TEP1: variants seen among roughly 807,000 people sequenced by gnomAD.
TEP1 encodes telomerase associated protein 1.
A neutral mutation model predicts 306.3 loss-of-function variants in TEP1; 241 were observed. The ratio of observed to expected loss-of-function variants is 0.79; its 90% CI spans 0.71 to 0.88. The LOEUF (loss-of-function observed/expected upper bound fraction) is 0.88. Ranked by LOEUF, TEP1 falls within the 40% of genes least tolerant of loss-of-function variation. TEP1 has a pLI of 0.00. For synonymous variants in TEP1, 1,289 were observed against 1,305.5 expected (o/e 0.99, Z 0.27); for missense variants, 3,051 against 3,276.1 (o/e 0.93, Z 1.68).
chr14:20,381,352 A>C lies in TEP1; in HGVS notation c.4608T>G (p.Ser1536Arg). The change falls in exon 32 of 55, where the codon AGT (serine) becomes AGG (arginine). Residue 1536 changes from serine to arginine, a missense_variant. By Grantham distance (110) the Ser-to-Arg change is moderately radical (BLOSUM62 -1). This residue lies in a region of TEP1 where 1,540 missense variants were observed against 1,705.9 expected (regional missense o/e 0.90). Coordinates refer to ENST00000262715, the MANE Select transcript of TEP1 (RefSeq NM_007110.5). This position sits in a 1 kb window ranked among gnomAD's most constrained non-coding sequence, Gnocchi z 4.0. ...GGTCTCCCAGAGCCTCAGGAGGGCAACTTCGGAAGGTGCCTGAGGCATCAG... is the reference window on the plus strand; with the variant it reads ...GGTCTCCCAGAGCCTCAGGAGGGCACCTTCGGAAGGTGCCTGAGGCATCAG... ...CDADASGTFR[S>R]CPPEALGDLP... The C allele has an allele frequency of 6.2e-7, 1 of 1,614,200 alleles. No individual in the cohort carries two copies. Among genetic ancestry groups the C allele is most frequent in the South Asian group, 1.1e-5 (1 of 91,090 alleles).
Position 20,395,459 on chromosome 14 carries a change from T to C in TEP1, c.1919A>G (p.His640Arg). ...EQLKREKLRV[H>R]KARQWKYDGE... is the part of the protein sequence containing the mutation. ...GACAGTGCATACATACCTGGCCTTG[T>C]GTACTCTCAGCTTCTCCCTCTTGAG... Residue 640 changes from histidine (H) to arginine (R), a missense_variant, in exon 12 of 55, where the codon CAC becomes CGC. Physicochemically the swap from His to Arg is conservative, Grantham distance 29. Transcript: ENST00000262715. 2 of 1,594,152 alleles carry C rather than the reference T, an allele frequency of 1.3e-6. No homozygotes were observed. Among genetic ancestry groups the C allele is most frequent in the Non-Finnish European group, 8.6e-7 (1 of 1,164,540 alleles).
At position 20,403,850 on chromosome 14, in the gene TEP1, G is replaced by A. The variant is rs550913661; in HGVS notation, c.1067C>T (p.Pro356Leu). 1.5e-5 allele frequency: 25 copies of A among 1,614,070 alleles called. No homozygotes were observed. The South Asian group carries it at 2.1e-4, about 13-fold the overall frequency. Residue 356 changes from proline to leucine, a missense_variant, in exon 6 of 55, where the codon CCC becomes CTC. Pro to Leu is a moderately conservative substitution (Grantham distance 98). Around this residue, in one of 3 missense-constraint regions of TEP1, gnomAD observed 1,507 missense variants for 1,550.5 expected, o/e 0.97. Transcript: ENST00000262715. ...LAEGDKNKLV[P>L]LPACLRTAMT... is the part of the protein sequence containing the mutation. ...GGCAGTACGGAGACAGGCGGGCAGGGGCACCAGCTTATTCTTATCTCCCTC... is the reference window on the plus strand; with the variant it reads ...GGCAGTACGGAGACAGGCGGGCAGGAGCACCAGCTTATTCTTATCTCCCTC...
Position 20,378,703 on chromosome 14 carries a change from G to C in TEP1, c.5352+51C>G, listed in dbSNP as rs748944853. ...CGCACTGAGAGAACAAATTCACGAG[G>C]GTGAGTCATGGCTCAGGGCCACTCT... On this transcript the variant is annotated intron_variant, in intron 37 of 54. Transcript: ENST00000262715. 3.8e-6 allele frequency: 6 copies of C among 1,595,940 alleles called. No homozygotes were observed. In the African/African-American group the frequency reaches 8.0e-5, roughly 21 times the overall value.
intron 21 of TEP1, 64 bp downstream of exon 21, chr14:20,384,921 A>G (rs1876991706): frequency 1.2e-6 from 2 of 1,609,668 alleles, no homozygotes; most frequent in Non-Finnish European, 8.5e-7. Context: ...AATACTGAGG[A>G]GAGAAGACTG....
At chr14:20,403,252 C>T in intron 7 of TEP1, 125 bp downstream of exon 7, 2 of 1,212,288 alleles carry the variant, frequency 1.6e-6, no homozygotes, top group Non-Finnish European at 2.3e-6. Flanking sequence ...CAGAACCTTA[C>T]CCACAATCAC....
At chr14:20,388,138 G>A in intron 17 of TEP1, 75 bp from the exon 18 acceptor site, 1 of 1,542,550 alleles carries the variant, frequency 6.5e-7, no homozygotes, top group South Asian at 1.2e-5. Context: ...AAAAGGGCAG[G>A]GGGAAAAAGA....
At chr14:20,391,195 G>A in intron 13 of TEP1, 99 bp from the exon 14 acceptor site, 3 of 1,276,546 alleles carry the variant, frequency 2.4e-6, no homozygotes, top group East Asian at 2.5e-5. Flanking sequence ...TGGTTAGAGG[G>A]AATAAGAAAA....
chr14:20,396,579 T>G (rs1367482042), intron 10 of TEP1, 42 bp downstream of exon 10: 33 of 1,545,804 alleles, frequency 2.1e-5, no homozygotes, highest in Non-Finnish European at 2.9e-5. Flanking sequence ...CACGTGCACA[T>G]CTAGTTGCTG....
At chr14:20,408,955 T>C (rs1760894) in intron 1 of TEP1, among the ~76,000 whole-genome samples, 41,728 of 151,692 alleles carry the variant, frequency 0.28, 5,960 homozygotes, top group African/African-American at 0.36. Context: ...CCCTACTTAG[T>C]AGAGAGGCCT....
At position 20,408,406 on chromosome 14, in the gene TEP1, G is replaced by C. The variant is rs974102367; in HGVS notation, c.34C>G (p.Pro12Ala). 6 of 1,613,866 alleles carry C rather than the reference G, an allele frequency of 3.7e-6. No homozygotes were observed. The highest frequency in any genetic ancestry group is 1.3e-5 in the African/African-American group (1 of 74,942). Residue 12 changes from proline (P) to alanine (A), a missense_variant, in exon 2 of 55, where the codon CCA (proline) becomes GCA (alanine). Physicochemically the swap from Pro to Ala is conservative, Grantham distance 27. This residue lies in a region of TEP1 where 1,507 missense variants were observed against 1,550.5 expected (regional missense o/e 0.97). Coordinates refer to ENST00000262715, the MANE Select transcript of TEP1 (RefSeq NM_007110.5). The stretch of plus-strand genomic sequence containing the variant: ...CGGTTCTCCAAGGAGAGGATGTCTG[G>C]ATGGGCAGACACATGCCCATGGAGT... ...EKLHGHVSAH[P>A]DILSLENRCL...
intron 1 of TEP1, among the ~76,000 whole-genome samples, chr14:20,412,738 A>G (rs1361355340): frequency 7.3e-6 from 1 of 137,880 alleles, no homozygotes; most frequent in African/African-American, 2.8e-5. Context: ...AGCTCACTGC[A>G]ATCTCTGCCT....
chr14:20,369,638 T>C (rs1240245387), intron 52 of TEP1, 36 bp downstream of exon 52: 18 of 1,612,998 alleles, frequency 1.1e-5, no homozygotes, highest in African/African-American at 2.7e-5. Context: ...CCCTGGGCCA[T>C]CTCCCGGCTC....
Position 20,382,653 on chromosome 14 carries a change from A to G in TEP1, c.4110T>C (p.Asp1370=). 2 of 1,614,100 alleles carry G rather than the reference A, an allele frequency of 1.2e-6. No individual in the cohort carries two copies. The highest frequency in any genetic ancestry group is 1.1e-5 in the South Asian group (1 of 91,078). The change falls in exon 28 of 55, where the codon GAT becomes GAC. Residue 1370 remains aspartate, a synonymous_variant. Coordinates refer to ENST00000262715, the MANE Select transcript of TEP1 (RefSeq NM_007110.5). Reference sequence around the variant, plus strand: ...CATACAGCGTGAAGAGCCTCAGGTGATCGGTGACCAAGCGCAGGTAGAGCG... The same window carrying G: ...CATACAGCGTGAAGAGCCTCAGGTGGTCGGTGACCAAGCGCAGGTAGAGCG... ...GRPLYLRLVT[D]HLRLFTLYEQ...
At chr14:20,376,784 T>A (rs1885199775) in intron 41 of TEP1, among the ~76,000 whole-genome samples, 1 of 152,056 alleles carries the variant, frequency 6.6e-6, no homozygotes, top group Non-Finnish European at 1.5e-5. Flanking sequence ...AAGGAATGAG[T>A]GGAAACAGTC....
Position 20,379,932 on chromosome 14 carries a change from G to A in TEP1, c.5125C>T (p.Gln1709Ter). The A allele has an allele frequency of 6.2e-7, 1 of 1,610,096 alleles. No individual in the cohort carries two copies. ...TVYLLDLRTWQEEKSVVSGCD... is the reference protein window; with the variant it reads ...TVYLLDLRTW The stretch of plus-strand genomic sequence containing the variant: ...CTGCCCCTCCTTGATTGTCATACCT[G>A]CCAAGTTCTCAGGTCCAACAGGTAA... The change falls in exon 35 of 55, where the codon CAG (glutamine) becomes TAG (stop). Residue 1709 changes from glutamine to a stop codon, truncating the protein, a stop_gained and splice_region_variant. Coordinates refer to ENST00000262715, the MANE Select transcript of TEP1 (RefSeq NM_007110.5). LOFTEE classifies it high-confidence loss of function.
chr14:20,407,516 T>C (rs1054744944), intron 2 of TEP1, among the ~76,000 whole-genome samples: 1 of 152,208 alleles, frequency 6.6e-6, no homozygotes, highest in Non-Finnish European at 1.5e-5. Flanking sequence ...AATTTTTGTA[T>C]TTTTGGTAGA....
At position 20,377,480 on chromosome 14, in the gene TEP1, G is replaced by A. The variant is rs1419688749; in HGVS notation, c.5888C>T (p.Ala1963Val). ...TGCCACATCCAGTGCCTGACCCTGAGCCCCCTGGGAACCTAGAGAATGAGA... is the reference window on the plus strand; with the variant it reads ...TGCCACATCCAGTGCCTGACCCTGAACCCCCTGGGAACCTAGAGAATGAGA... ...IYKISSGSQG[A>V]QGQALDVAVS... The change falls in exon 41 of 55, where the codon GCT becomes GTT. Residue 1963 changes from alanine (A) to valine (V), a missense_variant. Ala to Val is a moderately conservative substitution (Grantham distance 64). Around this residue, in one of 3 missense-constraint regions of TEP1, gnomAD observed 1,540 missense variants for 1,705.9 expected, o/e 0.90. Coordinates refer to ENST00000262715, the MANE Select transcript of TEP1 (RefSeq NM_007110.5). 1.2e-6 allele frequency: 2 copies of A among 1,613,800 alleles called. No individual in the cohort carries two copies. The highest frequency in any genetic ancestry group is 1.7e-5 in the Admixed American group (1 of 59,996).
intron 5 of TEP1, 95 bp downstream of exon 5, chr14:20,404,516 G>A: frequency 5.4e-6 from 8 of 1,473,376 alleles, no homozygotes; most frequent in Non-Finnish European, 7.2e-6. Context: ...AAGCTGAGGG[G>A]AAACCAAATT....
chr14:20,411,567 A>G (rs1039433065), intron 1 of TEP1, among the ~76,000 whole-genome samples: 7 of 152,086 alleles, frequency 4.6e-5, no homozygotes, highest in Admixed American at 1.3e-4. Context: ...TTTCTTCCCA[A>G]TAGACCATTA....
Sources: allele counts gnomAD v4.1 joint callset (sites outside exome capture counted in the v4.1 genomes callset), GRCh38; gene constraint gnomAD v4.1.1; regional missense constraint gnomAD v4.1.1; non-coding constraint Gnocchi (gnomAD v3.1); transcripts MANE v1.5; gene names NCBI Gene and HGNC (gene_info 2026-07-23, HGNC 2026-07-21).